The following TLL1 variants were observed in gnomAD, a reference collection of about 807,000 sequenced individuals.
The protein encoded by TLL1 is tolloid-like protein 1.
Under a neutral mutation model 128.2 loss-of-function variants are expected in TLL1, and 49 were observed. The observed-to-expected ratio is 0.38, with a 90% CI of 0.30 to 0.48. The LOEUF (loss-of-function observed/expected upper bound fraction) is 0.48, where lower values mean the gene tolerates loss of function less well. Among genes scored for constraint, TLL1 ranks in the 20% least tolerant of loss-of-function variants. TLL1 has a pLI of 0.96. For synonymous variants in TLL1, 454 were observed against 418.8 expected (o/e 1.08, Z -1.03); for missense variants, 1,123 against 1,242.0 (o/e 0.90, Z 1.44).
intron 1 of TLL1, among the ~76,000 whole-genome samples, chr4:165,899,970 A>G (rs973423791): frequency 2.6e-5 from 4 of 151,762 alleles, no homozygotes; most frequent in Admixed American, 2.6e-4. Context: ...ACCATTATGT[A>G]ATGCCTTTCT....
At chr4:166,052,239 T>C (rs991411450) in intron 12 of TLL1, among the ~76,000 whole-genome samples, 1 of 152,214 alleles carries the variant, frequency 6.6e-6, no homozygotes, top group African/African-American at 2.4e-5. Flanking sequence ...TTAATTAACA[T>C]TTTTAATTTT....
rs541410629 is a variant in TLL1, at chr4:166,041,425, C to T, written c.1262-602C>T. Among the ~76,000 whole-genome samples the T allele has an allele frequency of 5.4e-4, 82 of 151,920 alleles. 4 individuals are homozygous for T. The South Asian group carries it at 0.017, about 31-fold the overall frequency. On this transcript the variant is annotated intron_variant, in intron 10 of 20. Transcript: ENST00000061240. Reference sequence around the variant, plus strand: ...AAGCGATTCTCCTGCCTCAGCCTTCCGAGTAGCTGGGACTATAGGCACGTG... The same window carrying T: ...AAGCGATTCTCCTGCCTCAGCCTTCTGAGTAGCTGGGACTATAGGCACGTG...
intron 15 of TLL1, among the ~76,000 whole-genome samples, chr4:166,060,490 C>T (rs1579690054): frequency 6.6e-6 from 1 of 152,036 alleles, no homozygotes. Context: ...GTCACATAGA[C>T]ACTTCTAGAA....
chr4:165,950,782 T>C (rs1369737331), intron 1 of TLL1, among the ~76,000 whole-genome samples: 2 of 152,040 alleles, frequency 1.3e-5, no homozygotes, highest in Admixed American at 6.6e-5. Context: ...TAGGGGAGAA[T>C]TTATAGCATT....
chr4:166,038,181 A>G, intron 9 of TLL1, among the ~76,000 whole-genome samples: 1 of 152,094 alleles, frequency 6.6e-6, no homozygotes, highest in East Asian at 1.9e-4. Context: ...TTCAGTATTG[A>G]TTATGTTTTT....
At chr4:166,003,359 C>G in intron 5 of TLL1, 32 bp from the exon 6 acceptor site, 2 of 1,612,546 alleles carry the variant, frequency 1.2e-6, no homozygotes, top group Non-Finnish European at 1.7e-6. Flanking sequence ...ACCACCTTTC[C>G]ACCACCATCT....
At chr4:166,074,690 C>T (rs28510962) in intron 16 of TLL1, among the ~76,000 whole-genome samples, 188 bp from the exon 17 acceptor site, 3,974 of 152,120 alleles carry the variant, frequency 0.026, 176 homozygotes, top group African/African-American at 0.09. Context: ...CATGGTACAA[C>T]GCTTCAAGCT....
intron 6 of TLL1, 64 bp from the exon 7 acceptor site, chr4:166,007,879 G>A: frequency 2.0e-6 from 2 of 1,008,424 alleles, no homozygotes; most frequent in South Asian, 1.3e-5. Flanking sequence ...TGTAGGAAAG[G>A]CCTTCTGGTC....
chr4:165,978,578 T>C (rs1735996421), intron 1 of TLL1, among the ~76,000 whole-genome samples: 1 of 152,186 alleles, frequency 6.6e-6, no homozygotes, highest in Non-Finnish European at 1.5e-5. Context: ...TCTTTTGCTT[T>C]TAGGATACAT....
Position 165,978,579 on chromosome 4 carries a change from T to C in TLL1, c.170-10802T>C, listed in dbSNP as rs1408880422. Among the ~76,000 whole-genome samples, 13 of 152,322 alleles carry C rather than the reference T, an allele frequency of 8.5e-5. No individual in the cohort carries two copies. The East Asian group carries it at 2.5e-3, about 29-fold the overall frequency. ...TTACTTTTTAAAATTCTTTTGCTTT[T>C]AGGATACATTTCAATGAGGATATAT... On this transcript the variant is annotated intron_variant, in intron 1 of 20. Transcript: ENST00000061240.
intron 6 of TLL1, among the ~76,000 whole-genome samples, chr4:166,006,093 G>A (rs1041857699): frequency 3.3e-5 from 5 of 151,738 alleles, no homozygotes; most frequent in Admixed American, 2.6e-4. Flanking sequence ...TTAAGATCAA[G>A]TCTTAGTCAA....
intron 1 of TLL1, among the ~76,000 whole-genome samples, chr4:165,952,089 T>G (rs1734552962): frequency 6.6e-6 from 1 of 152,184 alleles, no homozygotes; most frequent in African/African-American, 2.4e-5. Flanking sequence ...CAAATAGTAC[T>G]TGTGGTACAA....
chr4:165,890,145 A>C (rs1279280420), intron 1 of TLL1, among the ~76,000 whole-genome samples: 1 of 152,136 alleles, frequency 6.6e-6, no homozygotes, highest in Non-Finnish European at 1.5e-5. Flanking sequence ...ACTCACTATC[A>C]TGAGAACAGC....
At chr4:166,039,184 C>G (rs1739132437) in intron 9 of TLL1, among the ~76,000 whole-genome samples, 155 bp from the exon 10 acceptor site, 1 of 151,920 alleles carries the variant, frequency 6.6e-6, no homozygotes, top group Non-Finnish European at 1.5e-5. Context: ...AGGTTTGGTT[C>G]AGAAAAAAAC....
chr4:166,054,231 C>G (rs1377364824), intron 12 of TLL1, among the ~76,000 whole-genome samples: 1 of 152,062 alleles, frequency 6.6e-6, no homozygotes, highest in Non-Finnish European at 1.5e-5. Flanking sequence ...AGTAGTCTTT[C>G]TCTACACAGC....
At chr4:165,983,210 T>C (rs1306021191) in intron 1 of TLL1, among the ~76,000 whole-genome samples, 2 of 151,882 alleles carry the variant, frequency 1.3e-5, no homozygotes, top group Admixed American at 1.3e-4. Context: ...GTATGGATGA[T>C]ATTTTAAAAA....
intron 1 of TLL1, among the ~76,000 whole-genome samples, chr4:165,895,904 C>T (rs756261144): frequency 6.6e-6 from 1 of 151,942 alleles, no homozygotes; most frequent in Non-Finnish European, 1.5e-5. Flanking sequence ...GATAAAGTTG[C>T]AAAGACAATT....
chr4:166,016,046 C>G (rs190531873), intron 8 of TLL1, among the ~76,000 whole-genome samples: 4 of 151,894 alleles, frequency 2.6e-5, no homozygotes, highest in Admixed American at 2.6e-4. Flanking sequence ...CCTAATTTTT[C>G]CATGTACCAA....
chr4:166,091,382 T>A, intron 19 of TLL1, 41 bp downstream of exon 19: 2 of 1,561,298 alleles, frequency 1.3e-6, no homozygotes, highest in Non-Finnish European at 1.8e-6. Context: ...TTGACTGAGA[T>A]CCAGGTTTTT....
Sources: allele counts gnomAD v4.1 joint callset (sites outside exome capture counted in the v4.1 genomes callset), GRCh38; gene constraint gnomAD v4.1.1; transcripts MANE v1.5; gene names NCBI Gene and HGNC (gene_info 2026-07-23, HGNC 2026-07-21).